Variants in LCK observed in about 807,000 individuals in gnomAD.
The protein encoded by LCK is tyrosine-protein kinase Lck.
In LCK, 14 loss-of-function variants were observed where a neutral mutation model predicts 64.6. The observed-to-expected ratio is 0.22, with a 90% CI of 0.14 to 0.34. LCK has a LOEUF of 0.34. Ranked by LOEUF, LCK falls within the 10% of genes least tolerant of loss-of-function variation. The pLI, the probability that LCK is intolerant of heterozygous loss-of-function variation, is 1.00. For missense variants in LCK, 434 were observed against 668.1 expected (o/e 0.65, Z 3.86); for synonymous variants, 277 against 263.6 (o/e 1.05, Z -0.49).
chr1:32,264,186 G>A (rs773399624), intron 1 of LCK, among the ~76,000 whole-genome samples: 1 of 152,108 alleles, frequency 6.6e-6, no homozygotes, highest in Non-Finnish European at 1.5e-5. Context: ...TCCAGGTAGA[G>A]GGGGGATTGT....
At chr1:32,283,807 G>A (rs904300147) in intron 12 of LCK, among the ~76,000 whole-genome samples, 5 of 152,140 alleles carry the variant, frequency 3.3e-5, no homozygotes, top group African/African-American at 1.2e-4. Flanking sequence ...GGTTGTGGGT[G>A]CCCATCCTGC....
At chr1:32,280,987 AT>A (rs1328901065) in intron 12 of LCK, among the ~76,000 whole-genome samples, 2 of 152,188 alleles carry the variant, frequency 1.3e-5, no homozygotes, top group African/African-American at 4.8e-5. Context: ...TATGCCTATA[AT>A]CTCAGAACTT....
chr1:32,275,283 G>T lies in LCK; in HGVS notation c.279-38G>T. On this transcript the variant is annotated intron_variant, in intron 4 of 12. Coordinates refer to ENST00000336890, the MANE Select transcript of LCK (RefSeq NM_005356.5). The surrounding 1 kb of genome is among the most constrained non-coding windows in gnomAD (Gnocchi z 6.9). ...CTTTGAGGGAGGGTCTCAGGTCGACGGCTGAGCGAGCCACACTGACCCACC... is the reference window on the plus strand; with the variant it reads ...CTTTGAGGGAGGGTCTCAGGTCGACTGCTGAGCGAGCCACACTGACCCACC... 1.9e-6 allele frequency: 3 copies of T among 1,605,210 alleles called. No individual in the cohort carries two copies. Among genetic ancestry groups the T allele is most frequent in the South Asian group, 2.2e-5 (2 of 90,910 alleles).
chr1:32,277,598 C>G (rs1255271455), intron 9 of LCK, among the ~76,000 whole-genome samples: 1 of 152,164 alleles, frequency 6.6e-6, no homozygotes. Flanking sequence ...TTTGTTCACA[C>G]CGATTTGCCG....
In LCK at chr1:32,280,034, T is replaced by C. The variant is rs746191426; in HGVS notation, c.1195+40T>C. On this transcript the variant is annotated intron_variant, in intron 11 of 12. Coordinates refer to ENST00000336890, the MANE Select transcript of LCK (RefSeq NM_005356.5). Reference sequence around the variant, plus strand: ...TAAGGGTGGTCTGGGCCCTGCAGGGTCTGGCCAAGCAGACCCAGGTGACCT... The same window carrying C: ...TAAGGGTGGTCTGGGCCCTGCAGGGCCTGGCCAAGCAGACCCAGGTGACCT... 1.9e-6 allele frequency: 3 copies of C among 1,613,612 alleles called. No individual in the cohort carries two copies. The East Asian group carries it at 6.7e-5, about 36-fold the overall frequency.
chr1:32,260,808 G>A (rs183152438), intron 1 of LCK, among the ~76,000 whole-genome samples: 1 of 151,832 alleles, frequency 6.6e-6, no homozygotes, highest in East Asian at 2.0e-4. Context: ...TTTTTGTAGA[G>A]ATGAGTTCTC....
chr1:32,285,001 A>AT (rs957476126), intron 12 of LCK, among the ~76,000 whole-genome samples: 8 of 151,664 alleles, frequency 5.3e-5, no homozygotes, highest in South Asian at 2.1e-4. Flanking sequence ...TATCTAAAAC[A>AT]TTTTTTTTAA....
rs146805192 is a variant in LCK, at chr1:32,276,106, C to G, written c.631+43C>G. On this transcript the variant is annotated intron_variant, in intron 7 of 12. Coordinates refer to ENST00000336890, the MANE Select transcript of LCK (RefSeq NM_005356.5). This position sits in a 1 kb window ranked among gnomAD's most constrained non-coding sequence, Gnocchi z 4.6. ...CCTCCCCCGTGCCCTATCAGCCTATCTCCCCTCAGTCCCCCTCAGGTGTCC... is the reference window on the plus strand; with the variant it reads ...CCTCCCCCGTGCCCTATCAGCCTATGTCCCCTCAGTCCCCCTCAGGTGTCC... 1 of 1,605,884 alleles carries G rather than the reference C, an allele frequency of 6.2e-7. No individual in the cohort carries two copies. The highest frequency in any genetic ancestry group is 8.5e-7 in the Non-Finnish European group (1 of 1,174,094).
In LCK at chr1:32,285,942, C is replaced by G; in HGVS notation, c.*226C>G. On this transcript the variant is annotated 3_prime_UTR_variant, in exon 13 of 13. Transcript: ENST00000336890. ...AGCCTGTGCATGTATGTCTTGGACA[C>G]TGTACAAGGTACCCCTTTCTGGCTC... is the stretch of plus-strand genomic sequence containing the variant. 1 of 582,654 alleles carries G rather than the reference C, an allele frequency of 1.7e-6. No individual in the cohort carries two copies. The highest frequency in any genetic ancestry group is 3.1e-6 in the Non-Finnish European group (1 of 326,096). The allele number at this position is 582,654 out of a possible 1,614,324, so 36.1% of individuals were successfully genotyped here. A position where few individuals can be genotyped will look rare whatever the true frequency, so the allele number is the denominator to read the frequency against.
At position 32,275,888 on chromosome 1, in the gene LCK, C is replaced by T. The variant is rs1417550028; in HGVS notation, c.482-26C>T. On this transcript the variant is annotated intron_variant, in intron 6 of 12. Coordinates refer to ENST00000336890, the MANE Select transcript of LCK (RefSeq NM_005356.5). The surrounding 1 kb of genome is among the most constrained non-coding windows in gnomAD (Gnocchi z 6.9). ...CCAGACTCACTGCGTTCTTTCGTCG[C>T]TTTGTCCATCCATTCATTCATTCAG... 1 of 1,612,822 alleles carries T rather than the reference C, an allele frequency of 6.2e-7. No individual in the cohort carries two copies. The highest frequency in any genetic ancestry group is 1.3e-5 in the African/African-American group (1 of 74,906).
intron 1 of LCK, among the ~76,000 whole-genome samples, chr1:32,265,421 G>A (rs1032067447): frequency 7.9e-5 from 12 of 152,180 alleles, no homozygotes; most frequent in African/African-American, 2.7e-4. Flanking sequence ...ATGGACTTAC[G>A]ATTGCTGCCA....
At chr1:32,262,668 A>G (rs1388677333) in intron 1 of LCK, among the ~76,000 whole-genome samples, 1 of 150,860 alleles carries the variant, frequency 6.6e-6, no homozygotes, top group Non-Finnish European at 1.5e-5. Context: ...AAGGAGTCCT[A>G]CTGCCTCAGC....
chr1:32,265,381 C>T (rs1273615297), intron 1 of LCK, among the ~76,000 whole-genome samples: 1 of 152,212 alleles, frequency 6.6e-6, no homozygotes. Context: ...GAGCCTCTGA[C>T]TACAAACATT....
In LCK at chr1:32,275,924, A is replaced by G. The variant is rs747493020; in HGVS notation, c.492A>G (p.Ser164=). 10 of 1,613,994 alleles carry G rather than the reference A, an allele frequency of 6.2e-6. No individual in the cohort carries two copies. Among genetic ancestry groups the G allele is most frequent in the Admixed American group, 1.7e-5 (1 of 59,980 alleles). Residue 164 remains serine (S), a synonymous_variant, in exon 7 of 13, where the codon TCA becomes TCG. Coordinates refer to ENST00000336890, the MANE Select transcript of LCK (RefSeq NM_005356.5). The surrounding 1 kb of genome is among the most constrained non-coding windows in gnomAD (Gnocchi z 6.9). Reference sequence around the variant, plus strand: ...CATTCATTCATTCAGGATCGTTTTCACTGTCGGTCCGGGACTTCGACCAGA... The same window carrying G: ...CATTCATTCATTCAGGATCGTTTTCGCTGTCGGTCCGGGACTTCGACCAGA... The part of the protein sequence containing the change: ...RESESTAGSF[S]LSVRDFDQNQ...
intron 9 of LCK, among the ~76,000 whole-genome samples, chr1:32,279,269 A>G (rs1252310546): frequency 6.6e-6 from 1 of 152,218 alleles, no homozygotes; most frequent in Non-Finnish European, 1.5e-5. Context: ...TTTAGCAGGC[A>G]GAGATGAAAC....
At chr1:32,261,778 C>T (rs1639778178) in intron 1 of LCK, among the ~76,000 whole-genome samples, 1 of 150,950 alleles carries the variant, frequency 6.6e-6, no homozygotes, top group African/African-American at 2.4e-5. Flanking sequence ...ATGGTGAAAC[C>T]CCGTCTCTAC....
In LCK at chr1:32,280,206, C is replaced by T; in HGVS notation, c.1323C>T (p.Tyr441=). Residue 441 remains tyrosine (Y), a synonymous_variant, in exon 12 of 13, where the codon TAC becomes TAT. Coordinates refer to ENST00000336890, the MANE Select transcript of LCK (RefSeq NM_005356.5). ...TTGTCACCCACGGCCGCATCCCTTA[C>T]CCAGGTTAGAGCCAAGGGCAGGAAC... The part of the protein sequence containing the change: ...TEIVTHGRIP[Y]PGMTNPEVIQ... 2.5e-6 allele frequency: 4 copies of T among 1,614,080 alleles called. No individual in the cohort carries two copies. The highest frequency in any genetic ancestry group is 3.3e-4 in the Middle Eastern group (2 of 6,062).
At position 32,276,292 on chromosome 1, in the gene LCK, A is replaced by C. The variant is rs781728227; in HGVS notation, c.632-45A>C. 30 of 1,525,224 alleles carry C rather than the reference A, an allele frequency of 2.0e-5. No individual in the cohort carries two copies. In the Admixed American group the frequency reaches 6.1e-4, roughly 31 times the overall value. 94.5% of individuals were successfully genotyped at this position (1,525,224 alleles called of 1,614,324 possible). A position where few individuals can be genotyped will look rare whatever the true frequency, so the allele number is the denominator to read the frequency against. On this transcript the variant is annotated intron_variant, in intron 7 of 12. Coordinates refer to ENST00000336890, the MANE Select transcript of LCK (RefSeq NM_005356.5). This position sits in a 1 kb window ranked among gnomAD's most constrained non-coding sequence, Gnocchi z 4.6. ...AAGTGGGGGAGGTGGTGTCAATACG[A>C]GGCCTGCCCTATTGACAGCCTTCAC...
chr1:32,261,067 T>C (rs1258439371), intron 1 of LCK, among the ~76,000 whole-genome samples: 1 of 151,928 alleles, frequency 6.6e-6, no homozygotes, highest in Non-Finnish European at 1.5e-5. Context: ...TAATTTAATT[T>C]AATTAATTTT....
Sources: allele counts gnomAD v4.1 joint callset (sites outside exome capture counted in the v4.1 genomes callset), GRCh38; gene constraint gnomAD v4.1.1; non-coding constraint Gnocchi (gnomAD v3.1); transcripts MANE v1.5; gene names NCBI Gene and HGNC (gene_info 2026-07-23, HGNC 2026-07-21).